The following DLG2 variants were observed in gnomAD, a reference collection of about 807,000 sequenced individuals.
DLG2 encodes the protein disks large homolog 2.
A neutral mutation model predicts 132.5 loss-of-function variants in DLG2; 45 were observed. That is an observed-to-expected ratio of 0.34 (90% confidence interval 0.27 to 0.44). DLG2 has a LOEUF of 0.44. Among genes scored for constraint, DLG2 ranks in the 20% least tolerant of loss-of-function variants. The pLI, the probability that DLG2 is intolerant of heterozygous loss-of-function variation, is 1.00. For synonymous variants in DLG2, 424 were observed against 419.6 expected (o/e 1.01, Z -0.13); for missense variants, 1,045 against 1,196.9 (o/e 0.87, Z 1.87).
At chr11:85,062,149 A>AGAGCTTATATTCTATATAC (rs1010187172) in intron 6 of DLG2, among the ~76,000 whole-genome samples, 2 of 151,882 alleles carry the variant, frequency 1.3e-5, no homozygotes, top group African/African-American at 4.8e-5. Context: ...GAAATTGAAC[A>AGAGCTTATATTCTATATAC]GAGCTTATAT....
At chr11:84,697,648 T>C (rs959210901) in intron 6 of DLG2, among the ~76,000 whole-genome samples, 4 of 151,502 alleles carry the variant, frequency 2.6e-5, no homozygotes, top group Non-Finnish European at 5.9e-5. Flanking sequence ...ACTCCTTGAA[T>C]TGGTACTATC....
chr11:85,204,341 G>A (rs971523897), intron 4 of DLG2, among the ~76,000 whole-genome samples: 2 of 152,060 alleles, frequency 1.3e-5, no homozygotes, highest in African/African-American at 4.8e-5. Context: ...TAAAGTTGCA[G>A]GATATAGCAT....
chr11:85,468,397 T>A (rs1170926274), intron 3 of DLG2, among the ~76,000 whole-genome samples: 1 of 152,206 alleles, frequency 6.6e-6, no homozygotes, highest in African/African-American at 2.4e-5. Flanking sequence ...CTTTTAATTG[T>A]GATGTTCGGG....
intron 9 of DLG2, among the ~76,000 whole-genome samples, chr11:84,123,000 G>A (rs1217257336): frequency 6.6e-6 from 1 of 152,072 alleles, no homozygotes; most frequent in Non-Finnish European, 1.5e-5. Context: ...AAAGAAGAAA[G>A]AAGGAAAATA....
At chr11:84,060,333 T>C (rs1291042124) in intron 10 of DLG2, among the ~76,000 whole-genome samples, 1 of 151,956 alleles carries the variant, frequency 6.6e-6, no homozygotes, top group Non-Finnish European at 1.5e-5. Flanking sequence ...ATAATAATAA[T>C]AATAAATTAA....
chr11:85,435,937 C>T (rs2091455611), intron 3 of DLG2, among the ~76,000 whole-genome samples: 1 of 152,120 alleles, frequency 6.6e-6, no homozygotes, highest in South Asian at 2.1e-4. Context: ...GTAACCAAAA[C>T]AGCATGGTAC....
chr11:83,872,062 G>A (rs910503932), intron 16 of DLG2, among the ~76,000 whole-genome samples: 4 of 152,068 alleles, frequency 2.6e-5, no homozygotes, highest in African/African-American at 9.7e-5. Flanking sequence ...TCAGGCGTTT[G>A]AGACCAGCCT....
chr11:84,528,739 C>T (rs1247305734), intron 7 of DLG2, among the ~76,000 whole-genome samples: 1 of 152,136 alleles, frequency 6.6e-6, no homozygotes, highest in African/African-American at 2.4e-5. Context: ...CTAATGGAGA[C>T]CTTGTACCTT....
chr11:84,733,350 G>A (rs573173914), intron 6 of DLG2, among the ~76,000 whole-genome samples: 35 of 152,188 alleles, frequency 2.3e-4, no homozygotes, highest in Non-Finnish European at 3.1e-4. Flanking sequence ...GTGTGAGATG[G>A]TATCTCATTG....
At chr11:84,202,039 G>A (rs1032728623) in intron 8 of DLG2, among the ~76,000 whole-genome samples, 7 of 151,622 alleles carry the variant, frequency 4.6e-5, no homozygotes, top group Admixed American at 3.9e-4. Flanking sequence ...GGCTGGTCTC[G>A]AACTCCTGAC....
chr11:84,542,161 G>A (rs2099375265), intron 6 of DLG2, among the ~76,000 whole-genome samples: 1 of 151,958 alleles, frequency 6.6e-6, no homozygotes, highest in African/African-American at 2.4e-5. Flanking sequence ...GAAAGAGAGA[G>A]AGGGGGAAGG....
chr11:84,338,825 TAATAA>T (rs967564820), intron 7 of DLG2, among the ~76,000 whole-genome samples: 2 of 151,950 alleles, frequency 1.3e-5, no homozygotes, highest in African/African-American at 4.8e-5. Flanking sequence ...ATAATAATAA[TAATAA>T]AATAAAGTGG....
rs1164042892 is a variant in DLG2, at chr11:83,785,423, A to G, written c.1825+1267T>C. On this transcript the variant is annotated intron_variant, in intron 18 of 27. Coordinates refer to ENST00000376104, the MANE Select transcript of DLG2 (RefSeq NM_001142699.3). ...GTCTACTAATATTTAGCAAATAGAA[A>G]GACTTTTCAAAACTATCTGAGAAGA... 2.0e-5 allele frequency among the ~76,000 whole-genome samples: 3 copies of G among 152,252 alleles called. No individual in the cohort carries two copies. The East Asian group carries it at 5.8e-4, about 29-fold the overall frequency.
At position 84,280,261 on chromosome 11, in the gene DLG2, T is replaced by G. The variant is rs144249985; in HGVS notation, c.520-28970A>C. On this transcript the variant is annotated intron_variant, in intron 7 of 27. Coordinates refer to ENST00000376104, the MANE Select transcript of DLG2 (RefSeq NM_001142699.3). ...GAAATTAAAATAAAAAATAATGCAA[T>G]TTACGACAAATTTTTGAAATATTAA... Among the ~76,000 whole-genome samples, 141 of 152,090 alleles carry G rather than the reference T, an allele frequency of 9.3e-4. 1 individual carries two copies. The highest frequency in any genetic ancestry group is 3.4e-3 in the Middle Eastern group (1 of 292).
chr11:83,909,509 G>A (rs2075666859), intron 15 of DLG2, among the ~76,000 whole-genome samples: 1 of 152,174 alleles, frequency 6.6e-6, no homozygotes, highest in Non-Finnish European at 1.5e-5. Context: ...TGAATAGCAA[G>A]AAAGCAGAGT....
chr11:85,352,058 A>T (rs1393022612), intron 3 of DLG2, among the ~76,000 whole-genome samples: 1 of 152,168 alleles, frequency 6.6e-6, no homozygotes, highest in Non-Finnish European at 1.5e-5. Flanking sequence ...TTTGGTTGGT[A>T]GGCTATTAAT....
chr11:85,494,276 T>C, intron 3 of DLG2, among the ~76,000 whole-genome samples: 1 of 152,218 alleles, frequency 6.6e-6, no homozygotes, highest in East Asian at 1.9e-4. Context: ...ATGTATTGAT[T>C]TTTGGTAAAT....
At chr11:83,585,707 A>G (rs1019379389) in intron 19 of DLG2, among the ~76,000 whole-genome samples, 2 of 152,252 alleles carry the variant, frequency 1.3e-5, no homozygotes, top group African/African-American at 4.8e-5. Context: ...GAAAATGGTG[A>G]CATTCTACCT....
chr11:84,212,653 A>G (rs2096771090), intron 8 of DLG2, among the ~76,000 whole-genome samples: 2 of 152,170 alleles, frequency 1.3e-5, no homozygotes, highest in Admixed American at 1.3e-4. Context: ...GAATTCAAGT[A>G]CGGTACTTAC....
Sources: gnomAD v4.1 joint callset for allele counts (sites outside exome capture counted in the v4.1 genomes callset) on GRCh38, gnomAD v4.1.1 for gene constraint, MANE v1.5 for transcripts, NCBI Gene and HGNC (gene_info 2026-07-23, HGNC 2026-07-21) for gene names.